The following EFCAB13 variants were observed in gnomAD, a reference collection of about 807,000 sequenced individuals.
EFCAB13 encodes EF-hand calcium-binding domain-containing protein 13.
A neutral mutation model predicts 110.2 loss-of-function variants in EFCAB13; 91 were observed. The ratio of observed to expected loss-of-function variants is 0.83; its 90% CI spans 0.70 to 0.98. EFCAB13 has a LOEUF of 0.98. EFCAB13 is among the 50% of genes least tolerant of loss of function. The pLI, the probability that EFCAB13 is intolerant of heterozygous loss-of-function variation, is 0.00. For missense variants in EFCAB13, 968 were observed against 1,119.4 expected, an observed-to-expected ratio of 0.86 and a Z score of 1.93; for synonymous variants, 323 against 369.9, an observed-to-expected ratio of 0.87 and a Z score of 1.45.
rs73324455 is a variant in EFCAB13 at position 47,413,010 on chromosome 17, G to A, written c.2422+94G>A. 1.7e-3 allele frequency: 2,312 copies of A among 1,331,764 alleles called. 28 individuals are homozygous for A. In the African/African-American group the frequency reaches 0.031, roughly 18 times the overall value. 82.5% of individuals were successfully genotyped at this position (1,331,764 alleles called of 1,614,324 possible). On this transcript the variant is annotated intron_variant, in intron 22 of 24. Transcript: ENST00000331493. ...ACCTATAAGGATAAGATGCTAATGG[G>A]AGTCATTTTTCTTTTGGAGGCTTAG...
intron 18 of EFCAB13, among the ~76,000 whole-genome samples, chr17:47,403,668 A>G (rs549150564): frequency 5.9e-5 from 9 of 152,154 alleles, no homozygotes; most frequent in Non-Finnish European, 1.2e-4. Flanking sequence ...GGTTGTGCAA[A>G]TTTTATAAAC....
intron 15 of EFCAB13, 116 bp downstream of exon 15, chr17:47,391,696 T>A: frequency 1.1e-6 from 1 of 916,686 alleles, no homozygotes; most frequent in Non-Finnish European, 1.5e-6. Flanking sequence ...AAAATTAAAC[T>A]AATACAAAAA....
intron 23 of EFCAB13, among the ~76,000 whole-genome samples, chr17:47,421,001 C>A (rs1294635010): frequency 1.3e-4 from 17 of 134,152 alleles, no homozygotes; most frequent in Non-Finnish European, 5.0e-5. Context: ...GGGGGTCAGC[C>A]CCCCGTCCGG....
chr17:47,396,044 G>A, intron 17 of EFCAB13, 67 bp downstream of exon 17: 1 of 1,403,696 alleles, frequency 7.1e-7, no homozygotes. Flanking sequence ...GTCAACTCTT[G>A]TCATTGTATC....
chr17:47,387,709 C>G (rs1032708344), intron 14 of EFCAB13, among the ~76,000 whole-genome samples: 1 of 152,188 alleles, frequency 6.6e-6, no homozygotes, highest in African/African-American at 2.4e-5. Context: ...TCCTAGTTTG[C>G]TGTTCTTCCT....
chr17:47,341,098 A>G (rs935490648), intron 5 of EFCAB13, among the ~76,000 whole-genome samples: 4 of 152,114 alleles, frequency 2.6e-5, no homozygotes, highest in Non-Finnish European at 5.9e-5. Context: ...GTGGTGATAC[A>G]ATCAGGAAAA....
In EFCAB13 at chr17:47,326,293, C is replaced by T. The variant is rs1159629743; in HGVS notation, c.-180C>T. The T allele has an allele frequency of 1.3e-5, 2 of 152,222 alleles. No homozygotes were observed. Among genetic ancestry groups the T allele is most frequent in the Admixed American group, 6.5e-5 (1 of 15,292 alleles). The allele number at this position is 152,222 out of a possible 1,614,324, so 9.4% of individuals were successfully genotyped here. A position where few individuals can be genotyped will look rare whatever the true frequency, so the allele number is the denominator to read the frequency against. ...AGACCTGCCAACTTTTTGATAATCT[C>T]GTCAATAAATTACAGAACAATTGTT... On this transcript the variant is annotated 5_prime_UTR_variant, in exon 3 of 25. Coordinates refer to ENST00000331493, the MANE Select transcript of EFCAB13 (RefSeq NM_152347.5).
Position 47,347,730 on chromosome 17 carries a change from A to AT in EFCAB13, c.518-71dup, listed in dbSNP as rs1307145449. ...ATTGGCTCCCTTTTTAGTGATTATT[A>AT]TTTTTTTGAGAGTGGGGGGAATAAG... On this transcript the variant is annotated intron_variant, in intron 8 of 24. Transcript: ENST00000331493. The AT allele has an allele frequency of 3.4e-6, 4 of 1,171,334 alleles. No homozygotes were observed. The African/African-American group carries it at 4.7e-5, about 14-fold the overall frequency. The allele number at this position is 1,171,334 out of a possible 1,614,324, so 72.6% of individuals were successfully genotyped here. A position where few individuals can be genotyped will look rare whatever the true frequency, so the allele number is the denominator to read the frequency against.
intron 22 of EFCAB13, among the ~76,000 whole-genome samples, chr17:47,414,295 G>A (rs1268368802): frequency 6.6e-6 from 1 of 152,146 alleles, no homozygotes; most frequent in African/African-American, 2.4e-5. Flanking sequence ...GCATGTATGT[G>A]TGTATTCTAA....
In EFCAB13 at chr17:47,428,545, A is replaced by G. The variant is rs575536294; in HGVS notation, c.2495-1273A>G. 6.0e-5 allele frequency among the ~76,000 whole-genome samples: 9 copies of G among 149,058 alleles called. No homozygotes were observed. In the East Asian group the frequency reaches 1.2e-3, roughly 20 times the overall value. Reference sequence around the variant, plus strand: ...CAGTGTGGTATTGACACAAAAACCAATAGAGTAGAATACAGAGTCCAGAAA... The same window carrying G: ...CAGTGTGGTATTGACACAAAAACCAGTAGAGTAGAATACAGAGTCCAGAAA... On this transcript the variant is annotated intron_variant, in intron 23 of 24. Coordinates refer to ENST00000331493, the MANE Select transcript of EFCAB13 (RefSeq NM_152347.5).
rs574140877 is a variant in EFCAB13, at chr17:47,404,022, G to A, written c.2161+1G>A. The A allele has an allele frequency of 1.3e-6, 2 of 1,584,144 alleles. No homozygotes were observed. The highest frequency in any genetic ancestry group is 1.9e-5 in the Admixed American group (1 of 53,692). On this transcript the variant is annotated splice_donor_variant, in intron 19 of 24. Transcript: ENST00000331493. LOFTEE classifies it high-confidence loss of function. ...ATTCTTCAATCAGATTTTGTTTCTG[G>A]TAAGCATTTTAAATATTACTCTCAG...
chr17:47,353,208 C>T (rs764490651), intron 9 of EFCAB13, among the ~76,000 whole-genome samples: 5 of 151,960 alleles, frequency 3.3e-5, no homozygotes, highest in African/African-American at 7.3e-5. Flanking sequence ...AGGATGTTGG[C>T]TGTGGGTTTG....
chr17:47,438,700 A>T (rs1323095123), intron 24 of EFCAB13, among the ~76,000 whole-genome samples: 1 of 151,792 alleles, frequency 6.6e-6, no homozygotes, highest in Non-Finnish European at 1.5e-5. Flanking sequence ...CACTTCTTGT[A>T]TCATATTTTG....
At chr17:47,395,794 C>T in intron 16 of EFCAB13, 40 bp from the exon 17 acceptor site, 2 of 1,544,646 alleles carry the variant, frequency 1.3e-6, no homozygotes, top group Non-Finnish European at 1.8e-6. Context: ...TAACTTCTTG[C>T]ATAAGCATTC....
intron 24 of EFCAB13, among the ~76,000 whole-genome samples, chr17:47,434,084 G>C (rs781615800): frequency 6.6e-6 from 1 of 151,950 alleles, no homozygotes; most frequent in Admixed American, 6.6e-5. Flanking sequence ...AAAAAATAAA[G>C]GGTATCCAAA....
intron 5 of EFCAB13, among the ~76,000 whole-genome samples, chr17:47,338,963 C>G (rs536753983): frequency 6.6e-6 from 1 of 151,046 alleles, no homozygotes. Context: ...ATTTAAGAAA[C>G]AATAAATATA....
chr17:47,360,127 T>C (rs2065504648), intron 9 of EFCAB13, among the ~76,000 whole-genome samples: 1 of 152,176 alleles, frequency 6.6e-6, no homozygotes, highest in South Asian at 2.1e-4. Context: ...TTATAGTCCT[T>C]TGGGTATATA....
Position 47,371,116 on chromosome 17 carries a change from A to C in EFCAB13, c.877+608A>C, listed in dbSNP as rs575748409. The stretch of plus-strand genomic sequence containing the variant: ...TTTGAATTCCTTGAATTCCTTATAA[A>C]TTCTGGATATTAATCCCTTCTCAGA... On this transcript the variant is annotated intron_variant, in intron 11 of 24. Transcript: ENST00000331493. Among the ~76,000 whole-genome samples, 4 of 144,132 alleles carry C rather than the reference A, an allele frequency of 2.8e-5. No homozygotes were observed. In the South Asian group the frequency reaches 8.7e-4, roughly 31 times the overall value. 94.6% of individuals were successfully genotyped at this position (144,132 alleles called of 152,430 possible).
intron 10 of EFCAB13, among the ~76,000 whole-genome samples, chr17:47,369,237 C>G (rs908972987): frequency 4.6e-5 from 7 of 152,134 alleles, no homozygotes; most frequent in Non-Finnish European, 1.0e-4. Context: ...CTTGTTGAAC[C>G]CTTAGAGCTA....
Sources: allele counts gnomAD v4.1 joint callset (sites outside exome capture counted in the v4.1 genomes callset), GRCh38; gene constraint gnomAD v4.1.1; transcripts MANE v1.5; gene names NCBI Gene and HGNC (gene_info 2026-07-23, HGNC 2026-07-21).